The following RBFOX1 variants were observed in gnomAD, a reference collection of about 807,000 sequenced individuals.
RBFOX1 encodes RNA binding fox-1 homolog 1, also known as RNA binding protein fox-1 homolog 1.
A neutral mutation model predicts 57.7 loss-of-function variants in RBFOX1; 8 were observed. The ratio of observed to expected loss-of-function variants is 0.14; its 90% CI spans 0.08 to 0.25. RBFOX1 has a LOEUF of 0.25. Among genes scored for constraint, RBFOX1 ranks in the 10% least tolerant of loss-of-function variants. The pLI, the probability that RBFOX1 is intolerant of heterozygous loss-of-function variation, is 1.00. For synonymous variants in RBFOX1, 326 were observed against 222.4 expected (o/e 1.47, Z -4.15); for missense variants, 611 against 548.5 (o/e 1.11, Z -1.14).
intron 2 of RBFOX1, among the ~76,000 whole-genome samples, chr16:6,348,975 G>A (rs868283673): frequency 1.4e-4 from 22 of 152,146 alleles, no homozygotes; most frequent in African/African-American, 3.6e-4. Context: ...GAAGTCAAGC[G>A]CTTCAAAAGA....
At chr16:6,924,604 T>C (rs2075178198) in intron 3 of RBFOX1, among the ~76,000 whole-genome samples, 2 of 152,110 alleles carry the variant, frequency 1.3e-5, no homozygotes, top group South Asian at 4.1e-4. Flanking sequence ...TTTCTTCACC[T>C]GCAAAATAAT....
chr16:6,817,377 A>G (rs1299499126), intron 3 of RBFOX1, among the ~76,000 whole-genome samples: 3 of 152,016 alleles, frequency 2.0e-5, no homozygotes, highest in Non-Finnish European at 4.4e-5. Flanking sequence ...TTAGTGTCTC[A>G]TGGTAGAAAT....
intron 4 of RBFOX1, among the ~76,000 whole-genome samples, chr16:7,145,399 G>A (rs182260215): frequency 1.3e-5 from 2 of 152,062 alleles, no homozygotes; most frequent in African/African-American, 4.8e-5. Flanking sequence ...TACAGACGGG[G>A]TTTCACCATG....
chr16:5,244,580 C>T (rs973194813), intron 1 of RBFOX1, among the ~76,000 whole-genome samples: 1 of 152,242 alleles, frequency 6.6e-6, no homozygotes. Flanking sequence ...GAAGCTCTCT[C>T]TGCTGAGATA....
intron 1 of RBFOX1, among the ~76,000 whole-genome samples, chr16:5,457,705 C>A (rs952379814): frequency 6.6e-6 from 1 of 152,230 alleles, no homozygotes. Context: ...AATGCACCCA[C>A]CCCTGTAACT....
At chr16:5,595,994 C>A (rs970334661) in intron 2 of RBFOX1, among the ~76,000 whole-genome samples, 4 of 152,138 alleles carry the variant, frequency 2.6e-5, no homozygotes, top group Non-Finnish European at 5.9e-5. Context: ...GGAGTGAAGG[C>A]TTCCTGTGCT....
At chr16:7,598,746 A>C (rs1374336378) in intron 9 of RBFOX1, among the ~76,000 whole-genome samples, 1 of 152,212 alleles carries the variant, frequency 6.6e-6, no homozygotes, top group Non-Finnish European at 1.5e-5. Context: ...TGGGTTTTTT[A>C]ATAAATCTAT....
chr16:7,586,405 A>G (rs2094128796), intron 6 of RBFOX1, among the ~76,000 whole-genome samples: 1 of 152,196 alleles, frequency 6.6e-6, no homozygotes, highest in Non-Finnish European at 1.5e-5. Context: ...TGCTTGATGT[A>G]CATTTCTCAC....
intron 4 of RBFOX1, among the ~76,000 whole-genome samples, chr16:7,064,562 A>G (rs147668427): frequency 0.011 from 1,676 of 152,180 alleles, 16 homozygotes; most frequent in Non-Finnish European, 0.017. Flanking sequence ...CTACCAGTCA[A>G]AGGAGGATGA....
At chr16:5,312,677 C>A (rs1043600448) in intron 1 of RBFOX1, among the ~76,000 whole-genome samples, 2 of 151,936 alleles carry the variant, frequency 1.3e-5, no homozygotes, top group South Asian at 4.2e-4. Context: ...CTGAGGACAC[C>A]CAAGAGACAG....
Position 7,209,773 on chromosome 16 carries a change from G to A in RBFOX1, c.27+157675G>A, listed in dbSNP as rs139825769. On this transcript the variant is annotated intron_variant, in intron 4 of 15. Transcript: ENST00000550418. ...GTCTGAGTCATCATTGCCCAGGGGC[G>A]TTCTGTTGTGTTCAGCCAAATGTTG... Among the ~76,000 whole-genome samples, 261 of 152,262 alleles carry A rather than the reference G, an allele frequency of 1.7e-3. 4 individuals carry two copies. The highest frequency in any genetic ancestry group is 9.9e-3 in the Admixed American group (152 of 15,294).
intron 2 of RBFOX1, among the ~76,000 whole-genome samples, chr16:5,529,538 AGGC>A: frequency 6.6e-6 from 1 of 151,224 alleles, no homozygotes; most frequent in South Asian, 2.1e-4. Context: ...CTGGGACTAC[AGGC>A]GTGCACCACC....
chr16:6,837,000 C>G (rs1045420468), intron 3 of RBFOX1, among the ~76,000 whole-genome samples: 4 of 152,076 alleles, frequency 2.6e-5, no homozygotes, highest in African/African-American at 9.7e-5. Flanking sequence ...CACATAGCTT[C>G]TCACGGATGA....
At chr16:6,894,301 G>T (rs141747236) in intron 3 of RBFOX1, among the ~76,000 whole-genome samples, 1 of 152,154 alleles carries the variant, frequency 6.6e-6, no homozygotes, top group African/African-American at 2.4e-5. Context: ...GGGGTGGTCT[G>T]TTGTGCGTTT....
At chr16:7,253,102 A>T (rs1032183137) in intron 4 of RBFOX1, among the ~76,000 whole-genome samples, 3 of 152,206 alleles carry the variant, frequency 2.0e-5, no homozygotes, top group South Asian at 2.1e-4. Context: ...CACTGGACAC[A>T]GCAAACATAT....
chr16:6,773,364 TTGTGTG>T (rs147890940), intron 3 of RBFOX1, among the ~76,000 whole-genome samples: 5 of 129,724 alleles, frequency 3.9e-5, no homozygotes. Flanking sequence ...TGGGGTGCAT[TTGTGTG>T]TGTGTGTGTG....
At chr16:7,622,915 C>T (rs1052106859) in intron 10 of RBFOX1, among the ~76,000 whole-genome samples, 4 of 152,196 alleles carry the variant, frequency 2.6e-5, no homozygotes, top group Non-Finnish European at 4.4e-5. Flanking sequence ...AATATTCTTA[C>T]ATGGATTAGC....
At chr16:7,305,816 T>C (rs188374746) in intron 4 of RBFOX1, among the ~76,000 whole-genome samples, 15 of 152,344 alleles carry the variant, frequency 9.8e-5, no homozygotes, top group African/African-American at 2.9e-4. Context: ...TATTATTTTA[T>C]TACGTTCATT....
intron 3 of RBFOX1, among the ~76,000 whole-genome samples, chr16:6,907,925 C>A (rs1286926367): frequency 6.6e-6 from 1 of 151,584 alleles, no homozygotes; most frequent in African/African-American, 2.4e-5. Context: ...GTAGATATGT[C>A]ACCTGAATCT....
Sources: gnomAD v4.1 joint callset for allele counts (sites outside exome capture counted in the v4.1 genomes callset) on GRCh38, gnomAD v4.1.1 for gene constraint, MANE v1.5 for transcripts, NCBI Gene and HGNC (gene_info 2026-07-23, HGNC 2026-07-21) for gene names.